The following EPC1 variants were observed in gnomAD, a reference collection of about 807,000 sequenced individuals.
EPC1 encodes the protein enhancer of polycomb homolog 1.
Under a neutral mutation model 98.4 loss-of-function variants are expected in EPC1, and 12 were observed. The observed-to-expected ratio is 0.12, with a 90% CI of 0.08 to 0.20. The LOEUF (loss-of-function observed/expected upper bound fraction) is 0.20. EPC1 is among the 10% of genes least tolerant of loss of function. The probability of loss-of-function intolerance (pLI) is 1.00; values close to 1 mark genes in which losing one functional copy is unlikely to be tolerated. For synonymous variants in EPC1, 357 were observed against 363.9 expected, an observed-to-expected ratio of 0.98 and a Z score of 0.21; for missense variants, 729 against 990.5, an observed-to-expected ratio of 0.74 and a Z score of 3.54.
intron 1 of EPC1, among the ~76,000 whole-genome samples, chr10:32,356,404 G>A (rs1839278512): frequency 1.3e-5 from 2 of 152,008 alleles, no homozygotes; most frequent in Non-Finnish European, 2.9e-5. Flanking sequence ...GATTCTTGGT[G>A]TGAAGACTCA....
chr10:32,290,505 A>AAAAAAAAAAGAAAGAAAGAAAG (rs1554819136), intron 6 of EPC1, among the ~76,000 whole-genome samples: 2 of 77,474 alleles, frequency 2.6e-5, no homozygotes, highest in African/African-American at 1.1e-4. Flanking sequence ...AAAAAAAAAA[A>AAAAAAAAAAGAAAGAAAGAAAG]AAAGAAAGAA....
intron 1 of EPC1, among the ~76,000 whole-genome samples, chr10:32,372,502 C>T (rs1205869869): frequency 6.6e-6 from 1 of 152,200 alleles, no homozygotes; most frequent in African/African-American, 2.4e-5. Flanking sequence ...CTTTGATCTT[C>T]TTTTCCCTGT....
Position 32,268,721 on chromosome 10 carries a change from T to C in EPC1, c.*342A>G, listed in dbSNP as rs949744422. ...CACTTCATCTCTATACAATCTCACA[T>C]CTCACACTCTTTGTTGCAATTGATT... is the stretch of plus-strand genomic sequence containing the variant. On this transcript the variant is annotated 3_prime_UTR_variant, in exon 14 of 14. Transcript: ENST00000319778. 3 of 185,520 alleles carry C rather than the reference T, an allele frequency of 1.6e-5. No homozygotes were observed. The Admixed American group carries it at 1.8e-4, about 11-fold the overall frequency. The allele number at this position is 185,520 out of a possible 1,614,324, so 11.5% of individuals were successfully genotyped here.
chr10:32,303,897 G>A (rs1835722904), intron 2 of EPC1, among the ~76,000 whole-genome samples: 1 of 152,182 alleles, frequency 6.6e-6, no homozygotes, highest in South Asian at 2.1e-4. Context: ...GGATGAGGCT[G>A]GAGGAACTGT....
chr10:32,333,466 G>A (rs1253966585), intron 1 of EPC1, among the ~76,000 whole-genome samples: 1 of 152,176 alleles, frequency 6.6e-6, no homozygotes, highest in Non-Finnish European at 1.5e-5. Context: ...AGCAAAAAAT[G>A]AGAAGATATA....
chr10:32,318,303 G>GTT (rs1564543955), intron 1 of EPC1, among the ~76,000 whole-genome samples: 1 of 152,062 alleles, frequency 6.6e-6, no homozygotes, highest in African/African-American at 2.4e-5. Flanking sequence ...ATACAAATGT[G>GTT]TCTGTTTTTT....
chr10:32,299,667 T>C (rs1214901388), intron 2 of EPC1, among the ~76,000 whole-genome samples: 2 of 152,220 alleles, frequency 1.3e-5, no homozygotes, highest in Non-Finnish European at 2.9e-5. Flanking sequence ...AAGTAAACTT[T>C]TTAAGTCCTT....
intron 1 of EPC1, among the ~76,000 whole-genome samples, chr10:32,338,892 C>T (rs940822542): frequency 6.7e-6 from 1 of 148,382 alleles, no homozygotes; most frequent in Non-Finnish European, 1.5e-5. Flanking sequence ...GAGCCGAGAT[C>T]ACACCACTAC....
At chr10:32,328,755 G>A (rs1837457404) in intron 1 of EPC1, among the ~76,000 whole-genome samples, 1 of 152,142 alleles carries the variant, frequency 6.6e-6, no homozygotes, top group South Asian at 2.1e-4. Context: ...GAATGGCGGT[G>A]GGATGGGGAC....
rs200417158 is a variant in EPC1, at chr10:32,311,176, G to A, written c.154-5245C>T. ...ATACAAAAAAAAATTAGCCGGGTGT[G>A]GTGGTGGGCGCCTGTAGTCCCAGCT... On this transcript the variant is annotated intron_variant, in intron 1 of 13. Coordinates refer to ENST00000319778, the MANE Select transcript of EPC1 (RefSeq NM_001272004.3). Among the ~76,000 whole-genome samples, 642 of 152,144 alleles carry A rather than the reference G, an allele frequency of 4.2e-3. 6 individuals are homozygous for A. The East Asian group carries it at 0.052, about 12-fold the overall frequency.
intron 1 of EPC1, among the ~76,000 whole-genome samples, chr10:32,369,864 A>C (rs1839699910): frequency 6.6e-6 from 1 of 152,206 alleles, no homozygotes; most frequent in Non-Finnish European, 1.5e-5. Flanking sequence ...GTACTAAAGA[A>C]GGCAATTATA....
chr10:32,371,575 T>G (rs1307272633), intron 1 of EPC1, among the ~76,000 whole-genome samples: 1 of 152,216 alleles, frequency 6.6e-6, no homozygotes, highest in African/African-American at 2.4e-5. Flanking sequence ...AAATAAATTT[T>G]AAACGTGATA....
chr10:32,302,413 C>T (rs1424791936), intron 2 of EPC1, among the ~76,000 whole-genome samples: 5 of 151,838 alleles, frequency 3.3e-5, no homozygotes, highest in African/African-American at 7.3e-5. Context: ...TTTGGGAGGC[C>T]GAGGCGGGTG....
chr10:32,326,380 C>T (rs984500228), intron 1 of EPC1, among the ~76,000 whole-genome samples: 4 of 152,130 alleles, frequency 2.6e-5, no homozygotes, highest in Non-Finnish European at 4.4e-5. Flanking sequence ...TTCCACCTGT[C>T]GCCAGGCTTG....
rs1421790123 is a variant in EPC1, at chr10:32,305,814, G to C, written c.271C>G (p.Pro91Ala). 2 of 1,609,332 alleles carry C rather than the reference G, an allele frequency of 1.2e-6. No individual in the cohort carries two copies. The highest frequency in any genetic ancestry group is 2.7e-5 in the African/African-American group (2 of 74,558). ...SNIAYYESIYPGEFKMPKQLI... is the reference protein window; with the variant it reads ...SNIAYYESIYAGEFKMPKQLI... ...TGCTTTGGCATCTTAAATTCCCCAG[G>C]ATATATAGACTCATAGTAAGCAATA... Residue 91 changes from proline (P) to alanine (A), a missense_variant, in exon 2 of 14, where the codon CCT becomes GCT. This residue lies in a region of EPC1 where 94 missense variants were observed against 125.1 expected (regional missense o/e 0.75). Transcript: ENST00000319778.
chr10:32,378,513 G>A lies in EPC1; in HGVS notation c.-20C>T, dbSNP rs956815568. 32 of 1,540,474 alleles carry A rather than the reference G, an allele frequency of 2.1e-5. No individual in the cohort carries two copies. The African/African-American group carries it at 4.3e-4, about 21-fold the overall frequency. On this transcript the variant is annotated 5_prime_UTR_variant, in exon 1 of 14. Coordinates refer to the EPC1 transcript ENST00000375110. ...TACCATTAGTGCAGGCAAAGAAGAC[G>A]GCAGTTCTTGAAAAAAAATTGTAAC... is the stretch of plus-strand genomic sequence containing the variant.
At chr10:32,341,464 C>A (rs1258935102) in intron 1 of EPC1, among the ~76,000 whole-genome samples, 1 of 152,176 alleles carries the variant, frequency 6.6e-6, no homozygotes, top group Non-Finnish European at 1.5e-5. Context: ...CCTGCCCACA[C>A]ATTCATGAAC....
In EPC1 at chr10:32,286,845, TA is replaced by T. The variant is rs376270941; in HGVS notation, c.1243-4del. ...TTGCCAGTTTGGTCTAAGTGAGGCT[TA>T]AAAAAAAAAATCCAAATTATTTAAT... On this transcript the variant is annotated splice_region_variant and splice_polypyrimidine_tract_variant and intron_variant, in intron 8 of 13. Transcript: ENST00000319778. The T allele has an allele frequency of 5.4e-3, 6,295 of 1,162,106 alleles. 8 individuals are homozygous for T. Among genetic ancestry groups the T allele is most frequent in the Admixed American group, 0.012 (507 of 42,936 alleles). The allele number at this position is 1,162,106 out of a possible 1,614,324, so 72.0% of individuals were successfully genotyped here. A position where few individuals can be genotyped will look rare whatever the true frequency, so the allele number is the denominator to read the frequency against.
At chr10:32,336,998 G>A (rs1267210652) in intron 1 of EPC1, among the ~76,000 whole-genome samples, 1 of 152,034 alleles carries the variant, frequency 6.6e-6, no homozygotes, top group Non-Finnish European at 1.5e-5. Flanking sequence ...CCCTAATTAT[G>A]GGCCATATTT....
Sources: allele counts gnomAD v4.1 joint callset (sites outside exome capture counted in the v4.1 genomes callset), GRCh38; gene constraint gnomAD v4.1.1; regional missense constraint gnomAD v4.1.1; transcripts MANE v1.5; gene names NCBI Gene and HGNC (gene_info 2026-07-23, HGNC 2026-07-21).